Variants in UHRF1 observed in about 807,000 individuals in gnomAD.
UHRF1 encodes ubiquitin like with PHD and ring finger domains 1.
Under a neutral mutation model 96.5 loss-of-function variants are expected in UHRF1, and 9 were observed. The observed-to-expected ratio is 0.09, with a 90% CI of 0.06 to 0.16. The LOEUF (loss-of-function observed/expected upper bound fraction) is 0.16. Among genes scored for constraint, UHRF1 ranks in the 10% least tolerant of loss-of-function variants. The probability of loss-of-function intolerance (pLI) is 1.00; values close to 1 mark genes in which losing one functional copy is unlikely to be tolerated. For missense variants in UHRF1, 626 were observed against 1,131.1 expected (o/e 0.55, Z 6.40); for synonymous variants, 455 against 469.9 (o/e 0.97, Z 0.41).
Position 4,950,648 on chromosome 19 carries a change from C to A in UHRF1, c.1555C>A (p.Gln519Lys). ...ALNCFAPIND[Q>K]EGAEAKDWRS... is the part of the protein sequence containing the mutation. ...CAACTGCTTTGCTCCCATCAATGAC[C>A]AAGAAGGGGCCGAGGCCAAGGACTG... is the stretch of plus-strand genomic sequence containing the variant. Residue 519 changes from glutamine to lysine, a missense_variant, in exon 12 of 17, where the codon CAA becomes AAA. Physicochemically the swap from Gln to Lys is moderately conservative, Grantham distance 53 (BLOSUM62 1). Transcript: ENST00000650932. 2 of 1,612,674 alleles carry A rather than the reference C, an allele frequency of 1.2e-6. No homozygotes were observed. Among genetic ancestry groups the A allele is most frequent in the Non-Finnish European group, 1.7e-6 (2 of 1,179,622 alleles).
rs1381879485 is a variant in UHRF1, at chr19:4,956,828, C to T, written c.2235+15C>T. 1 of 1,574,150 alleles carries T rather than the reference C, an allele frequency of 6.4e-7. No individual in the cohort carries two copies. Among genetic ancestry groups the T allele is most frequent in the South Asian group, 1.1e-5 (1 of 87,046 alleles). ...ACGTGTGCAAGGTGAGTAGAGATGG[C>T]CGCGGGAGCCGGGTGGAAGGTTCTG... On this transcript the variant is annotated intron_variant, in intron 16 of 16. Coordinates refer to ENST00000650932, the MANE Select transcript of UHRF1 (RefSeq NM_001048201.3).
chr19:4,946,554 CT>C (rs1276509070), intron 10 of UHRF1, among the ~76,000 whole-genome samples: 3 of 151,822 alleles, frequency 2.0e-5, no homozygotes, highest in African/African-American at 4.8e-5. Flanking sequence ...TTCAAGACTC[CT>C]GTGATAATTC....
chr19:4,910,651 TTCC>T, intron 1 of UHRF1: 3 of 411,648 alleles, frequency 7.3e-6, no homozygotes, highest in South Asian at 1.0e-4. Flanking sequence ...TTCATTCTCC[TTCC>T]TCCTCAATCT....
At chr19:4,958,572 C>T (rs994866050) in intron 16 of UHRF1, among the ~76,000 whole-genome samples, 7 of 152,256 alleles carry the variant, frequency 4.6e-5, no homozygotes, top group Non-Finnish European at 7.3e-5. Flanking sequence ...ACCAGCATCA[C>T]GGTGTCCCCA....
chr19:4,905,485 TTGTTAG>T (rs955606655), upstream of UHRF1, among the ~76,000 whole-genome samples: 16 of 151,458 alleles, frequency 1.1e-4, no homozygotes, highest in African/African-American at 1.9e-4. Flanking sequence ...TCATCAGGTA[TTGTTAG>T]TGTTAGTGTA....
At position 4,950,903 on chromosome 19, in the gene UHRF1, G is replaced by A. The variant is rs760859530; in HGVS notation, c.1725G>A (p.Val575=). Residue 575 remains valine (V), a synonymous_variant, in exon 13 of 17, where the codon GTG becomes GTA. Transcript: ENST00000650932. ...AGAAGGGGAAGTCCGGGTTTCTCGT[G>A]TGGCGCTACCTTCTGCGGAGGGACG... is the stretch of plus-strand genomic sequence containing the variant. ...WPEKGKSGFL[V]WRYLLRRDDD... 1.2e-6 allele frequency: 2 copies of A among 1,613,792 alleles called. No homozygotes were observed. Among genetic ancestry groups the A allele is most frequent in the Non-Finnish European group, 1.7e-6 (2 of 1,179,880 alleles).
intron 10 of UHRF1, 55 bp from the exon 11 acceptor site, chr19:4,947,050 C>CTTTT: frequency 8.7e-7 from 1 of 1,153,984 alleles, no homozygotes; most frequent in Non-Finnish European, 1.2e-6. Flanking sequence ...AATGCAGTCT[C>CTTTT]TTTTTTTTTT....
intron 5 of UHRF1, among the ~76,000 whole-genome samples, chr19:4,936,756 G>A (rs1357798667): frequency 6.0e-5 from 9 of 149,628 alleles, no homozygotes; most frequent in Non-Finnish European, 1.0e-4. Flanking sequence ...GCAGTGAGCC[G>A]TGATCACACC....
intron 15 of UHRF1, among the ~76,000 whole-genome samples, chr19:4,955,233 G>A (rs2033826660): frequency 6.6e-6 from 1 of 152,326 alleles, no homozygotes; most frequent in Non-Finnish European, 1.5e-5. Flanking sequence ...CATGGGCCTT[G>A]CTGGGCTAAA....
intron 15 of UHRF1, among the ~76,000 whole-genome samples, chr19:4,955,697 C>G (rs1381612660): frequency 6.6e-6 from 1 of 152,010 alleles, no homozygotes; most frequent in Non-Finnish European, 1.5e-5. Context: ...CTCTTTGGTC[C>G]CCGCACTTAG....
rs148589384 is a variant in UHRF1 at position 4,950,018 on chromosome 19, A to G, written c.1518-593A>G. On this transcript the variant is annotated intron_variant, in intron 11 of 16. Transcript: ENST00000650932. ...CCAGAGTAGCTGGGACTATAGGTGC[A>G]TGTTACCACGCCTGGCTATTTTTTT... 5.3e-3 allele frequency among the ~76,000 whole-genome samples: 784 copies of G among 146,968 alleles called. 5 individuals carry two copies. Among genetic ancestry groups the G allele is most frequent in the African/African-American group, 0.019 (742 of 39,976 alleles).
chr19:4,929,578 C>T, intron 3 of UHRF1, 102 bp downstream of exon 3: 1 of 1,475,226 alleles, frequency 6.8e-7, no homozygotes, highest in Non-Finnish European at 9.1e-7. Context: ...ACGCGCCTCT[C>T]TAGCTCTGGC....
At chr19:4,941,170 A>C (rs748090115) in intron 5 of UHRF1, among the ~76,000 whole-genome samples, 1 of 137,194 alleles carries the variant, frequency 7.3e-6, no homozygotes, top group Admixed American at 8.4e-5. Flanking sequence ...GGCTCACTGC[A>C]ACCTCTGCCT....
In UHRF1 at chr19:4,929,276, C is replaced by T; in HGVS notation, c.208C>T (p.Gln70Ter). 1 of 1,613,984 alleles carries T rather than the reference C, an allele frequency of 6.2e-7. No homozygotes were observed. Residue 70 changes from glutamine to a stop codon, truncating the protein, a stop_gained, in exon 3 of 17, where the codon CAG becomes TAG. Coordinates refer to ENST00000650932, the MANE Select transcript of UHRF1 (RefSeq NM_001048201.3). LOFTEE classifies it high-confidence loss of function. The stretch of plus-strand genomic sequence containing the variant: ...CGAGGTCCGCCTGAATGACACCATC[C>T]AGCTCCTGGTCCGCCAGAGCCTCGT... ...DYEVRLNDTI[Q>*]LLVRQSLVLP... is the part of the protein sequence containing the mutation.
chr19:4,931,052 C>T (rs1049873415), intron 4 of UHRF1, among the ~76,000 whole-genome samples, 176 bp downstream of exon 4: 2 of 152,168 alleles, frequency 1.3e-5, no homozygotes, highest in Non-Finnish European at 2.9e-5. Flanking sequence ...AGCCTGGGGA[C>T]CCGAAGCCGG....
intron 5 of UHRF1, among the ~76,000 whole-genome samples, chr19:4,933,610 G>C (rs1056319815): frequency 2.0e-5 from 3 of 152,088 alleles, no homozygotes; most frequent in Non-Finnish European, 4.4e-5. Flanking sequence ...ACACATGAAG[G>C]TTCTCCCTCC....
At chr19:4,938,730 GTTTTTTTTTTTTTTTT>G (rs71170880) in intron 5 of UHRF1, among the ~76,000 whole-genome samples, 9 of 61,588 alleles carry the variant, frequency 1.5e-4, no homozygotes, top group East Asian at 8.2e-4. Context: ...TTTTGGTCAG[GTTTTTTTTTTTTTTTT>G]TTTTTTTTTT....
At chr19:4,939,575 A>G (rs953645878) in intron 5 of UHRF1, among the ~76,000 whole-genome samples, 1 of 152,036 alleles carries the variant, frequency 6.6e-6, no homozygotes, top group African/African-American at 2.4e-5. Flanking sequence ...CTCTATCCAG[A>G]CTGTAGAGAT....
At chr19:4,937,209 A>G (rs951604229) in intron 5 of UHRF1, among the ~76,000 whole-genome samples, 1 of 151,644 alleles carries the variant, frequency 6.6e-6, no homozygotes, top group Non-Finnish European at 1.5e-5. Flanking sequence ...GACTCTCCAT[A>G]ATTACAGATT....
Sources: gnomAD v4.1 joint callset for allele counts (sites outside exome capture counted in the v4.1 genomes callset) on GRCh38, gnomAD v4.1.1 for gene constraint, MANE v1.5 for transcripts, NCBI Gene and HGNC (gene_info 2026-07-23, HGNC 2026-07-21) for gene names.